ZC3H12B: variants seen among roughly 807,000 people sequenced by gnomAD.
ZC3H12B encodes probable ribonuclease ZC3H12B.
Under a neutral mutation model 43.9 loss-of-function variants are expected in ZC3H12B, and 7 were observed. The observed-to-expected ratio is 0.16, with a 90% CI of 0.09 to 0.30. The LOEUF is 0.30. Ranked by LOEUF, ZC3H12B falls within the 10% of genes least tolerant of loss-of-function variation. ZC3H12B has a pLI of 1.00. For missense variants in ZC3H12B, 475 were observed against 670.2 expected (o/e 0.71, Z 3.22); for synonymous variants, 222 against 241.7 (o/e 0.92, Z 0.76).
the ZC3H12B span, among the ~76,000 whole-genome samples, chrX:65,207,553 G>C: frequency 9.1e-6 from 1 of 110,442 alleles, no homozygotes; most frequent in Non-Finnish European, 1.9e-5. Context: ...TGGGGTGATG[G>C]GTGCACCAAA....
At chrX:65,459,713 T>G (rs190512591) in intron 3 of ZC3H12B, among the ~76,000 whole-genome samples, 1 of 111,478 alleles carries the variant, frequency 9.0e-6, no homozygotes, top group Non-Finnish European at 1.9e-5. Context: ...TATCTCAAAA[T>G]AATAAGAGCT....
At chrX:65,185,016 T>C in the ZC3H12B span, 1 of 111,716 alleles carries the variant, frequency 9.0e-6, no homozygotes, top group African/African-American at 3.3e-5. Context: ...TTTTCTCAGG[T>C]TTTGAAGACC....
the ZC3H12B span, among the ~76,000 whole-genome samples, chrX:65,273,286 G>C: frequency 1.8e-5 from 2 of 111,677 alleles, no homozygotes; most frequent in African/African-American, 3.3e-5. Flanking sequence ...ATAGACATCT[G>C]GGAGCTGAAG....
the ZC3H12B span, among the ~76,000 whole-genome samples, chrX:65,247,315 G>C: frequency 8.9e-6 from 1 of 112,166 alleles, no homozygotes; most frequent in African/African-American, 3.2e-5. Context: ...CTGCAATTCT[G>C]GAAGACAGTG....
At chrX:65,211,261 G>A in the ZC3H12B span, among the ~76,000 whole-genome samples, 1 of 108,910 alleles carries the variant, frequency 9.2e-6, no homozygotes, top group South Asian at 3.9e-4. Context: ...TAGGTTGCCT[G>A]TTCACTCAGA....
At chrX:65,115,636 T>A in the ZC3H12B span, among the ~76,000 whole-genome samples, 1 of 111,699 alleles carries the variant, frequency 9.0e-6, no homozygotes, top group Non-Finnish European at 1.9e-5. Flanking sequence ...TCCCCCACTG[T>A]TTTCCGTAGT....
At chrX:65,249,110 G>A in the ZC3H12B span, among the ~76,000 whole-genome samples, 12 of 111,553 alleles carry the variant, frequency 1.1e-4, no homozygotes, top group African/African-American at 3.9e-4. Context: ...TCATCTTTGT[G>A]TTTATTGCAT....
rs770622018 is a variant in ZC3H12B at position 65,464,944 on chromosome X, A to T, written n.408-23702A>T. On this transcript the variant is annotated intron_variant and non_coding_transcript_variant, in intron 3 of 5. Transcript: ENST00000617377. ...TTTTGAATTTTGCAAACTTCCTTTC[A>T]TTATTAATTTTATATTTAATTTCAT... 2.7e-5 allele frequency among the ~76,000 whole-genome samples: 3 copies of T among 110,913 alleles called. No homozygotes were observed. In the East Asian group the frequency reaches 8.4e-4, roughly 31 times the overall value.
the ZC3H12B span, among the ~76,000 whole-genome samples, chrX:65,277,679 A>T: frequency 9.0e-6 from 1 of 111,633 alleles, no homozygotes; most frequent in Non-Finnish European, 1.9e-5. Flanking sequence ...AAATAGAAAC[A>T]CAAGATACTA....
the ZC3H12B span, among the ~76,000 whole-genome samples, chrX:65,173,348 A>G: frequency 8.9e-6 from 1 of 111,873 alleles, no homozygotes; most frequent in African/African-American, 3.3e-5. Context: ...TTCTAAATAT[A>G]ACATCATGTC....
At chrX:65,503,613 TCTTTC>T (rs2148247007) in exon 5 of ZC3H12B, 1 of 108,745 alleles carries the variant, frequency 9.2e-6, no homozygotes, top group East Asian at 2.7e-4. Flanking sequence ...TTTCTTTCTT[TCTTTC>T]TTTATTTTTT....
At chrX:65,438,588 A>T (rs1397553194) in intron 3 of ZC3H12B, among the ~76,000 whole-genome samples, 1 of 112,517 alleles carries the variant, frequency 8.9e-6, no homozygotes, top group Non-Finnish European at 1.9e-5. Flanking sequence ...CCAAACAGAG[A>T]TTTACCCACA....
chrX:65,042,590 T>A, the ZC3H12B span, among the ~76,000 whole-genome samples: 1 of 112,240 alleles, frequency 8.9e-6, no homozygotes, highest in African/African-American at 3.2e-5. Context: ...AATTTAAGTA[T>A]GTAATGAAAC....
the ZC3H12B span, among the ~76,000 whole-genome samples, chrX:65,109,447 A>G: frequency 9.0e-6 from 1 of 111,730 alleles, no homozygotes; most frequent in Non-Finnish European, 1.9e-5. Context: ...TGTAATCATA[A>G]CATTTGTGGT....
chrX:65,256,457 TC>T, the ZC3H12B span, among the ~76,000 whole-genome samples: 1 of 111,914 alleles, frequency 8.9e-6, no homozygotes, highest in South Asian at 3.7e-4. Context: ...AATAATTAAA[TC>T]AAAGCAGAAA....
intron 3 of ZC3H12B, among the ~76,000 whole-genome samples, chrX:65,448,979 G>GAAAAA (rs1158285090): frequency 2.8e-4 from 6 of 21,642 alleles, no homozygotes; most frequent in African/African-American, 3.2e-4. Flanking sequence ...AAGAAAGAAA[G>GAAAAA]AGAAAGAAAG....
the ZC3H12B span, among the ~76,000 whole-genome samples, chrX:65,116,586 T>A: frequency 9.0e-6 from 1 of 110,701 alleles, no homozygotes; most frequent in African/African-American, 3.3e-5. Context: ...TTTATTATAC[T>A]TTAAGTTCTA....
chrX:65,202,076 C>T, the ZC3H12B span, among the ~76,000 whole-genome samples: 28 of 60,940 alleles, frequency 4.6e-4, no homozygotes, highest in East Asian at 5.3e-3. Flanking sequence ...ATATATATTA[C>T]ATATAATATA....
the ZC3H12B span, among the ~76,000 whole-genome samples, chrX:65,343,852 G>A: frequency 9.0e-6 from 1 of 111,505 alleles, no homozygotes; most frequent in Non-Finnish European, 1.9e-5. Flanking sequence ...AAGAAATTAA[G>A]GACATCCAAA....
Sources: gnomAD v4.1 joint callset for allele counts (sites outside exome capture counted in the v4.1 genomes callset) on GRCh38, gnomAD v4.1.1 for gene constraint, MANE v1.5 for transcripts, NCBI Gene and HGNC (gene_info 2026-07-23, HGNC 2026-07-21) for gene names.